Variants in IGF2BP3 observed in about 807,000 individuals in gnomAD.
The protein encoded by IGF2BP3 is insulin-like growth factor 2 mRNA-binding protein 3.
Under a neutral mutation model 73.8 loss-of-function variants are expected in IGF2BP3, and 9 were observed. The ratio of observed to expected loss-of-function variants is 0.12; its 90% CI spans 0.07 to 0.21. The LOEUF (loss-of-function observed/expected upper bound fraction) is 0.21. Among genes scored for constraint, IGF2BP3 ranks in the 10% least tolerant of loss-of-function variants. IGF2BP3 has a pLI of 1.00. For synonymous variants in IGF2BP3, 258 were observed against 256.7 expected, an observed-to-expected ratio of 1.01 and a Z score of -0.05; for missense variants, 542 against 714.0, an observed-to-expected ratio of 0.76 and a Z score of 2.75.
chr7:23,465,910 C>T (rs534066749), intron 2 of IGF2BP3, among the ~76,000 whole-genome samples: 2 of 152,058 alleles, frequency 1.3e-5, no homozygotes, highest in African/African-American at 2.4e-5. Context: ...CTTCTCTGCC[C>T]GCTTCCAGAG....
chr7:23,346,809 T>C (rs1161880188), intron 7 of IGF2BP3, among the ~76,000 whole-genome samples: 1 of 152,094 alleles, frequency 6.6e-6, no homozygotes, highest in African/African-American at 2.4e-5. Context: ...GCCAGGATGG[T>C]CTTGATCTCT....
intron 8 of IGF2BP3, among the ~76,000 whole-genome samples, chr7:23,344,411 T>C (rs139104278): frequency 5.3e-5 from 8 of 152,358 alleles, no homozygotes; most frequent in African/African-American, 1.9e-4. Context: ...AGAATTTAGA[T>C]TGAAGTAGGC....
intron 2 of IGF2BP3, among the ~76,000 whole-genome samples, chr7:23,435,995 G>T (rs553236264): frequency 6.6e-6 from 1 of 152,260 alleles, no homozygotes; most frequent in African/African-American, 2.4e-5. Flanking sequence ...GACCGCAAGT[G>T]ATCCACCTGC....
intron 3 of IGF2BP3, among the ~76,000 whole-genome samples, chr7:23,398,353 A>G (rs1019622512): frequency 6.6e-6 from 1 of 152,194 alleles, no homozygotes; most frequent in Non-Finnish European, 1.5e-5. Flanking sequence ...TGCTACTGTT[A>G]ATAGTGCCAC....
intron 13 of IGF2BP3, among the ~76,000 whole-genome samples, chr7:23,313,139 C>T (rs568063582): frequency 6.6e-6 from 1 of 152,254 alleles, no homozygotes; most frequent in East Asian, 1.9e-4. Flanking sequence ...GCTTTGAAAC[C>T]CACTTACAAG....
chr7:23,456,730 T>G (rs1788327845), intron 2 of IGF2BP3, among the ~76,000 whole-genome samples: 1 of 152,114 alleles, frequency 6.6e-6, no homozygotes, highest in African/African-American at 2.4e-5. Context: ...TTGTCAAACT[T>G]ATAACTAATT....
chr7:23,385,982 A>G (rs1371331541), intron 3 of IGF2BP3, among the ~76,000 whole-genome samples: 2 of 152,212 alleles, frequency 1.3e-5, no homozygotes, highest in African/African-American at 4.8e-5. Context: ...TTTTAAGCCC[A>G]TATCTTTTAG....
chr7:23,366,924 A>C (rs926853135), intron 3 of IGF2BP3, among the ~76,000 whole-genome samples: 1 of 150,434 alleles, frequency 6.6e-6, no homozygotes, highest in Admixed American at 6.6e-5. Flanking sequence ...GTATCATGCC[A>C]CTCCAGCCCA....
chr7:23,447,297 A>C (rs150391695), intron 2 of IGF2BP3, among the ~76,000 whole-genome samples: 1 of 151,826 alleles, frequency 6.6e-6, no homozygotes, highest in Non-Finnish European at 1.5e-5. Context: ...ACAAACAAAA[A>C]ACTAGCTTAT....
chr7:23,460,178 C>CAAAAAG (rs1788412642), intron 2 of IGF2BP3, among the ~76,000 whole-genome samples: 1 of 55,178 alleles, frequency 1.8e-5, no homozygotes, highest in Non-Finnish European at 3.3e-5. Flanking sequence ...GACCCTGCCT[C>CAAAAAG]AAAAAAAAAA....
chr7:23,383,862 C>T (rs1488449687), intron 3 of IGF2BP3, among the ~76,000 whole-genome samples: 7 of 151,724 alleles, frequency 4.6e-5, no homozygotes, highest in African/African-American at 7.3e-5. Flanking sequence ...TTTGGGAGGC[C>T]GAGGCGGGCA....
intron 10 of IGF2BP3, among the ~76,000 whole-genome samples, chr7:23,340,203 C>T (rs1784673618): frequency 1.3e-5 from 2 of 152,048 alleles, no homozygotes; most frequent in African/African-American, 4.8e-5. Flanking sequence ...CTTCAGGGGG[C>T]ACGTAATGAA....
At chr7:23,407,479 C>T (rs1278322761) in intron 3 of IGF2BP3, among the ~76,000 whole-genome samples, 1 of 151,754 alleles carries the variant, frequency 6.6e-6, no homozygotes, top group African/African-American at 2.4e-5. Context: ...CATGGTGGCG[C>T]ATGTCTGTAA....
At chr7:23,384,336 G>A (rs1277554539) in intron 3 of IGF2BP3, among the ~76,000 whole-genome samples, 6 of 151,992 alleles carry the variant, frequency 3.9e-5, no homozygotes, top group Non-Finnish European at 1.5e-5. Context: ...TATCTGAAGG[G>A]TGCAGAATTT....
intron 2 of IGF2BP3, among the ~76,000 whole-genome samples, chr7:23,461,561 A>G (rs1186836804): frequency 6.6e-6 from 1 of 152,068 alleles, no homozygotes; most frequent in Non-Finnish European, 1.5e-5. Flanking sequence ...AAATCTTGCA[A>G]TTCTTCACTT....
intron 3 of IGF2BP3, among the ~76,000 whole-genome samples, chr7:23,385,096 C>T (rs1451883694): frequency 4.6e-5 from 7 of 152,126 alleles, no homozygotes; most frequent in Non-Finnish European, 1.0e-4. Context: ...CTGGGAGTTT[C>T]TCTTTATAGA....
rs1786142438 is a variant in IGF2BP3, at chr7:23,388,002, G to A, written c.286-26261C>T. On this transcript the variant is annotated intron_variant, in intron 3 of 14. Coordinates refer to ENST00000258729, the MANE Select transcript of IGF2BP3 (RefSeq NM_006547.3). The stretch of plus-strand genomic sequence containing the variant: ...CCCAGGCTGGATGAAGTGCAGTGGT[G>A]TGATCTCAGCTCACTGCAAGCTCCG... Among the ~76,000 whole-genome samples the A allele has an allele frequency of 2.0e-5, 3 of 152,016 alleles. No homozygotes were observed. The South Asian group carries it at 6.2e-4, about 32-fold the overall frequency.
In IGF2BP3 at chr7:23,354,263, G is replaced by C. The variant is rs189906693; in HGVS notation, c.402-2677C>G. 4.8e-4 allele frequency among the ~76,000 whole-genome samples: 73 copies of C among 152,320 alleles called. 1 individual carries two copies. The highest frequency in any genetic ancestry group is 1.5e-3 in the African/African-American group (63 of 41,582). ...CCACCTCGGCCTCCCAAAGTGCTGG[G>C]ATTACAGGAGTGAGCCACCACACCT... On this transcript the variant is annotated intron_variant, in intron 5 of 14. Coordinates refer to ENST00000258729, the MANE Select transcript of IGF2BP3 (RefSeq NM_006547.3).
intron 6 of IGF2BP3, among the ~76,000 whole-genome samples, chr7:23,348,162 G>A (rs1784877647): frequency 6.6e-6 from 1 of 152,172 alleles, no homozygotes; most frequent in South Asian, 2.1e-4. Flanking sequence ...TCATTCATTG[G>A]ATGAGCAGAT....
Sources: gnomAD v4.1 joint callset for allele counts (sites outside exome capture counted in the v4.1 genomes callset) on GRCh38, gnomAD v4.1.1 for gene constraint, MANE v1.5 for transcripts, NCBI Gene and HGNC (gene_info 2026-07-23, HGNC 2026-07-21) for gene names.